Variants in CNTNAP2 observed in about 807,000 individuals in gnomAD.
CNTNAP2 encodes contactin associated protein 2.
In CNTNAP2, 98 loss-of-function variants were observed where a neutral mutation model predicts 155.2. The observed-to-expected ratio is 0.63, with a 90% confidence interval of 0.54 to 0.75. The LOEUF (loss-of-function observed/expected upper bound fraction) is 0.75. Ranked by LOEUF, CNTNAP2 falls within the 30% of genes least tolerant of loss-of-function variation. The pLI, the probability that CNTNAP2 is intolerant of heterozygous loss-of-function variation, is 0.00. For missense variants in CNTNAP2, 1,727 were observed against 1,688.1 expected (o/e 1.02, Z -0.40); for synonymous variants, 651 against 631.2 (o/e 1.03, Z -0.47).
intron 13 of CNTNAP2, chr7:147,831,674 A>C (rs1798546406): frequency 6.6e-6 from 1 of 152,240 alleles, no homozygotes; most frequent in Non-Finnish European, 1.5e-5. Flanking sequence ...AGGAAGCAAA[A>C]GTAAAAAAAG....
chr7:147,912,038 A>T (rs1800076075), intron 14 of CNTNAP2, among the ~76,000 whole-genome samples: 1 of 152,106 alleles, frequency 6.6e-6, no homozygotes, highest in South Asian at 2.1e-4. Context: ...CATTCAAATT[A>T]TTTTCTGAAT....
At chr7:147,518,910 A>G (rs1216880830) in intron 11 of CNTNAP2, among the ~76,000 whole-genome samples, 1 of 150,370 alleles carries the variant, frequency 6.7e-6, no homozygotes, top group Non-Finnish European at 1.5e-5. Context: ...GGGCGCCTGT[A>G]GTTCCAGATA....
At chr7:146,651,263 A>G (rs1482090521) in intron 1 of CNTNAP2, among the ~76,000 whole-genome samples, 3 of 152,154 alleles carry the variant, frequency 2.0e-5, no homozygotes. Context: ...TGTTATGCAG[A>G]ATTCATAAAC....
intron 15 of CNTNAP2, among the ~76,000 whole-genome samples, chr7:148,028,712 C>T (rs1322557055): frequency 6.6e-6 from 1 of 152,160 alleles, no homozygotes; most frequent in African/African-American, 2.4e-5. Flanking sequence ...CAGGCTTAGC[C>T]TTCACTTCAC....
intron 1 of CNTNAP2, among the ~76,000 whole-genome samples, chr7:146,578,155 A>G (rs1390398367): frequency 6.6e-6 from 1 of 152,140 alleles, no homozygotes; most frequent in Non-Finnish European, 1.5e-5. Context: ...CCCATTAAAT[A>G]ATATTTCTAA....
intron 15 of CNTNAP2, among the ~76,000 whole-genome samples, chr7:147,997,472 G>A (rs1014831261): frequency 3.4e-4 from 52 of 151,682 alleles, no homozygotes; most frequent in African/African-American, 1.2e-3. Flanking sequence ...CAGGAGAATC[G>A]CTTGAACCGG....
chr7:147,217,342 G>A (rs1159477949), intron 8 of CNTNAP2, among the ~76,000 whole-genome samples: 6 of 151,684 alleles, frequency 4.0e-5, no homozygotes, highest in Non-Finnish European at 8.9e-5. Context: ...CTAGGTTACT[G>A]ATTGTTTTTA....
intron 9 of CNTNAP2, among the ~76,000 whole-genome samples, chr7:147,340,357 A>G (rs1272457062): frequency 6.6e-6 from 1 of 152,160 alleles, no homozygotes; most frequent in Non-Finnish European, 1.5e-5. Context: ...TTTAAATCAC[A>G]AAATACATAC....
intron 1 of CNTNAP2, among the ~76,000 whole-genome samples, chr7:146,560,462 G>GTGTA (rs1798263654): frequency 6.6e-6 from 1 of 151,846 alleles, no homozygotes; most frequent in Non-Finnish European, 1.5e-5. Context: ...ATATATATGT[G>GTGTA]TGTATGTGTG....
At chr7:147,543,158 T>C (rs1000082334) in intron 11 of CNTNAP2, among the ~76,000 whole-genome samples, 3 of 152,224 alleles carry the variant, frequency 2.0e-5, no homozygotes, top group Admixed American at 6.5e-5. Flanking sequence ...TCTATAGATA[T>C]TAAATTAACT....
chr7:146,938,251 T>C (rs1456000455), intron 3 of CNTNAP2, among the ~76,000 whole-genome samples: 1 of 151,968 alleles, frequency 6.6e-6, no homozygotes, highest in African/African-American at 2.4e-5. Context: ...AAGCTTAACT[T>C]TCCCCTTGGC....
At chr7:147,206,470 C>T (rs1803026051) in intron 8 of CNTNAP2, among the ~76,000 whole-genome samples, 1 of 151,846 alleles carries the variant, frequency 6.6e-6, no homozygotes, top group Admixed American at 6.6e-5. Flanking sequence ...GGCTGAGGCA[C>T]GAGAATCACT....
chr7:146,574,407 A>G (rs910511957), intron 1 of CNTNAP2, among the ~76,000 whole-genome samples: 4 of 152,196 alleles, frequency 2.6e-5, no homozygotes, highest in Non-Finnish European at 5.9e-5. Context: ...TGGTTCATAC[A>G]TACAAAACAA....
intron 1 of CNTNAP2, among the ~76,000 whole-genome samples, chr7:146,389,707 T>TC (rs1379669860): frequency 8.8e-5 from 13 of 147,988 alleles, no homozygotes; most frequent in Non-Finnish European, 1.0e-4. Flanking sequence ...TTTTTTCTTT[T>TC]TTTTTTTTTT....
intron 1 of CNTNAP2, among the ~76,000 whole-genome samples, chr7:146,166,263 T>C (rs945982721): frequency 1.3e-5 from 2 of 152,116 alleles, no homozygotes; most frequent in Non-Finnish European, 2.9e-5. Context: ...CTGGGTACTT[T>C]TGTATTTTTA....
chr7:146,126,949 C>T (rs963037347), intron 1 of CNTNAP2, among the ~76,000 whole-genome samples: 1 of 152,112 alleles, frequency 6.6e-6, no homozygotes, highest in East Asian at 1.9e-4. Flanking sequence ...TGGTATGTCT[C>T]CCGGATTCTA....
At chr7:147,073,517 T>C (rs1274547771) in intron 4 of CNTNAP2, among the ~76,000 whole-genome samples, 1 of 152,062 alleles carries the variant, frequency 6.6e-6, no homozygotes, top group African/African-American at 2.4e-5. Context: ...GGAGAGGTAA[T>C]TGAAACCGTG....
chr7:146,792,791 T>A (rs1307516423), intron 2 of CNTNAP2, among the ~76,000 whole-genome samples: 2 of 152,198 alleles, frequency 1.3e-5, no homozygotes, highest in African/African-American at 4.8e-5. Context: ...CATCTGAGTA[T>A]TAATCAAAAG....
intron 2 of CNTNAP2, among the ~76,000 whole-genome samples, chr7:146,777,842 A>C (rs564495285): frequency 1.3e-5 from 2 of 152,188 alleles, no homozygotes; most frequent in African/African-American, 4.8e-5. Flanking sequence ...GAGAAGAGCC[A>C]TGTAGGGTGA....
Sources: gnomAD v4.1 joint callset for allele counts (sites outside exome capture counted in the v4.1 genomes callset) on GRCh38, gnomAD v4.1.1 for gene constraint, MANE v1.5 for transcripts, NCBI Gene and HGNC (gene_info 2026-07-23, HGNC 2026-07-21) for gene names.